The following LPCAT3 variants were observed in gnomAD, a reference collection of about 807,000 sequenced individuals.
LPCAT3 encodes lysophospholipid acyltransferase 5.
LPCAT3 carries 21 observed loss-of-function variants against 63.4 expected under a neutral mutation model. The observed-to-expected ratio is 0.33, with a 90% CI of 0.23 to 0.48. The LOEUF (loss-of-function observed/expected upper bound fraction) is 0.48, where lower values mean the gene tolerates loss of function less well. LPCAT3 is among the 20% of genes least tolerant of loss of function. The probability of loss-of-function intolerance (pLI) is 0.99; values close to 1 mark genes in which losing one functional copy is unlikely to be tolerated. For synonymous variants in LPCAT3, 242 were observed against 227.5 expected (o/e 1.06, Z -0.58); for missense variants, 451 against 590.6 (o/e 0.76, Z 2.45).
chr12:6,977,951 C>G lies in LPCAT3; in HGVS notation c.1041-206G>C. ...GGCGGAGCTGGAGACCGTGTGCGCA[C>G]GAGCCACTTGGTTCAGCAGCAGTGA... On this transcript the variant is annotated intron_variant, in intron 9 of 12. Transcript: ENST00000261407. The surrounding 1 kb of genome is among the most constrained non-coding windows in gnomAD (Gnocchi z 4.5). 2 of 603,072 alleles carry G rather than the reference C, an allele frequency of 3.3e-6. No homozygotes were observed. The highest frequency in any genetic ancestry group is 3.9e-5 in the South Asian group (2 of 50,836). 37.4% of individuals were successfully genotyped at this position (603,072 alleles called of 1,614,324 possible).
Position 6,976,403 on chromosome 12 carries a change from T to C in LPCAT3, c.*501A>G, listed in dbSNP as rs1436855913. On this transcript the variant is annotated 3_prime_UTR_variant, in exon 13 of 13. Coordinates refer to ENST00000261407, the MANE Select transcript of LPCAT3 (RefSeq NM_005768.6). ...GTGCATGGGGGAATCAGAGGGGAGA[T>C]GTGAGCCCCTCTGCTCCTCCCACAA... The C allele has an allele frequency of 6.5e-6, 1 of 153,434 alleles. No homozygotes were observed. Among genetic ancestry groups the C allele is most frequent in the South Asian group, 2.1e-4 (1 of 4,848 alleles). The allele number at this position is 153,434 out of a possible 1,614,324, so 9.5% of individuals were successfully genotyped here. A position where few individuals can be genotyped will look rare whatever the true frequency, so the allele number is the denominator to read the frequency against.
intron 1 of LPCAT3, among the ~76,000 whole-genome samples, chr12:7,013,672 G>A (rs1565607213): frequency 6.6e-6 from 1 of 152,142 alleles, no homozygotes; most frequent in Non-Finnish European, 1.5e-5. Context: ...AAAGGTTCCG[G>A]TATTCCTAGA....
At position 6,982,696 on chromosome 12, in the gene LPCAT3, T is replaced by C. The variant is rs367654948; in HGVS notation, c.346A>G (p.Thr116Ala). The C allele has an allele frequency of 1.6e-4, 251 of 1,613,060 alleles. No homozygotes were observed. Among genetic ancestry groups the C allele is most frequent in the Non-Finnish European group, 2.0e-4 (237 of 1,179,144 alleles). Residue 116 changes from threonine to alanine, a missense_variant, in exon 3 of 13, where the codon ACT becomes GCT. This residue lies in a region of LPCAT3 where 133 missense variants were observed against 152.1 expected (regional missense o/e 0.87). Coordinates refer to ENST00000261407, the MANE Select transcript of LPCAT3 (RefSeq NM_005768.6). ...TTTACCATCTGGAAGCAAAAGGTAGTGAGGACGGCAGTGATGGTGCGGCCC... is the reference window on the plus strand; with the variant it reads ...TTTACCATCTGGAAGCAAAAGGTAGCGAGGACGGCAGTGATGGTGCGGCCC... ...LMGRTITAVL[T>A]TFCFQMAYLL...
chr12:6,978,667 C>G lies in LPCAT3; in HGVS notation c.809G>C (p.Cys270Ser), dbSNP rs782432908. Residue 270 changes from cysteine (C) to serine (S), a missense_variant, in exon 8 of 13, where the codon TGC (cysteine) becomes TCC (serine). By Grantham distance (112) the Cys-to-Ser change is moderately radical (BLOSUM62 -1). Transcript: ENST00000261407. ...DYDNHPFWFR[C>S]MYMLIWGKFV... Reference sequence around the variant, plus strand: ...CTTGCCCCAGATCAGCATGTACATGCAGCGGAACCAGAAGGGGTGGTTCTT... The same window carrying G: ...CTTGCCCCAGATCAGCATGTACATGGAGCGGAACCAGAAGGGGTGGTTCTT... 3.5e-5 allele frequency: 56 copies of G among 1,614,154 alleles called. No homozygotes were observed. The highest frequency in any genetic ancestry group is 4.7e-5 in the Non-Finnish European group (56 of 1,180,012).
chr12:7,017,604 C>T lies in LPCAT3; in HGVS notation c.151+670G>A, dbSNP rs1946804430. ...GATACACCACATCCTTTGAACCACA[C>T]GTGTAATAAACGCTTGGAATAGTAT... On this transcript the variant is annotated intron_variant, in intron 1 of 12. Transcript: ENST00000261407. The surrounding 1 kb of genome is among the most constrained non-coding windows in gnomAD (Gnocchi z 4.1). Among the ~76,000 whole-genome samples the T allele has an allele frequency of 6.6e-6, 1 of 152,076 alleles. No individual in the cohort carries two copies. Among genetic ancestry groups the T allele is most frequent in the African/African-American group, 2.4e-5 (1 of 41,392 alleles).
At chr12:6,998,882 C>T (rs1591554298) in intron 1 of LPCAT3, among the ~76,000 whole-genome samples, 2 of 152,318 alleles carry the variant, frequency 1.3e-5, no homozygotes, top group East Asian at 3.9e-4. Context: ...AGATAAGAGA[C>T]TAAGGTCCAA....
intron 4 of LPCAT3, 32 bp downstream of exon 4, chr12:6,981,779 T>C (rs1349362098): frequency 2.6e-6 from 4 of 1,562,776 alleles, no homozygotes; most frequent in African/African-American, 2.7e-5. Context: ...GGGACCTACA[T>C]GTAAGGAAGG....
chr12:6,977,016 T>C lies in LPCAT3; in HGVS notation c.*12+118A>G. 1 of 708,606 alleles carries C rather than the reference T, an allele frequency of 1.4e-6. No homozygotes were observed. 43.9% of individuals were successfully genotyped at this position (708,606 alleles called of 1,614,324 possible). ...GTAGTCATTGCCCATACTGTGTTCC[T>C]TAGTAGCCAGGCTAATCCTTGGAAT... On this transcript the variant is annotated intron_variant, in intron 12 of 12. Coordinates refer to ENST00000261407, the MANE Select transcript of LPCAT3 (RefSeq NM_005768.6). The surrounding 1 kb of genome is among the most constrained non-coding windows in gnomAD (Gnocchi z 4.5).
At chr12:7,015,509 A>C (rs1946792066) in intron 1 of LPCAT3, among the ~76,000 whole-genome samples, 1 of 152,214 alleles carries the variant, frequency 6.6e-6, no homozygotes, top group Non-Finnish European at 1.5e-5. Flanking sequence ...TTACAACCAA[A>C]ATGCACTCCT....
At chr12:6,988,987 GT>G (rs782790764) in intron 1 of LPCAT3, among the ~76,000 whole-genome samples, 6 of 152,014 alleles carry the variant, frequency 3.9e-5, no homozygotes, top group African/African-American at 7.2e-5. Context: ...TTAGCTGGGC[GT>G]GGTAGTGCAT....
rs114261382 is a variant in LPCAT3, at chr12:7,003,353, G to C, written c.151+14921C>G. Among the ~76,000 whole-genome samples the C allele has an allele frequency of 1.8e-3, 264 of 150,696 alleles. 2 individuals are homozygous for C. The highest frequency in any genetic ancestry group is 6.2e-3 in the African/African-American group (253 of 40,882). ...GAATTTATTGAGTGCTTTGGGAGTA[G>C]GGTGAGTTTTTTTTTTTTTTTTAAC... On this transcript the variant is annotated intron_variant, in intron 1 of 12. Transcript: ENST00000261407.
rs1946424427 is a variant in LPCAT3 at position 6,977,758 on chromosome 12, G to A, written c.1041-13C>T. 1.2e-6 allele frequency: 2 copies of A among 1,613,892 alleles called. No individual in the cohort carries two copies. Among genetic ancestry groups the A allele is most frequent in the Non-Finnish European group, 1.7e-6 (2 of 1,179,972 alleles). On this transcript the variant is annotated splice_polypyrimidine_tract_variant and intron_variant, in intron 9 of 12. Transcript: ENST00000261407. This position sits in a 1 kb window ranked among gnomAD's most constrained non-coding sequence, Gnocchi z 4.5. ...TTTGAAGATGTAGCTGGAGAAAAGG[G>A]TGGGTGGGGCGACCCTCAAACTGAC...
rs61917872 is a variant in LPCAT3 at position 6,976,881 on chromosome 12, G to A, written c.*23C>T. ...GACGAGTAGTTTCTGCACCAGTCCCGCACAGGCCACCTGCAAGACAAGAGG... is the reference window on the plus strand; with the variant it reads ...GACGAGTAGTTTCTGCACCAGTCCCACACAGGCCACCTGCAAGACAAGAGG... On this transcript the variant is annotated 3_prime_UTR_variant, in exon 13 of 13. Coordinates refer to ENST00000261407, the MANE Select transcript of LPCAT3 (RefSeq NM_005768.6). 2.4e-5 allele frequency: 10 copies of A among 425,004 alleles called. No individual in the cohort carries two copies. The highest frequency in any genetic ancestry group is 6.9e-4 in the Middle Eastern group (1 of 1,440). The allele number at this position is 425,004 out of a possible 1,614,324, so 26.3% of individuals were successfully genotyped here.
intron 1 of LPCAT3, among the ~76,000 whole-genome samples, chr12:6,997,010 GA>G (rs57621837): frequency 0.17 from 25,895 of 149,580 alleles, 3,735 homozygotes; most frequent in African/African-American, 0.4. Context: ...TGATAAATGG[GA>G]AAAAAAAAAT....
intron 9 of LPCAT3, 79 bp downstream of exon 9, chr12:6,978,262 A>T (rs991014888): frequency 6.7e-7 from 1 of 1,482,022 alleles, no homozygotes; most frequent in Non-Finnish European, 9.1e-7. Context: ...TAGGGGTGAC[A>T]TGGTACACCC....
intron 1 of LPCAT3, among the ~76,000 whole-genome samples, chr12:6,999,043 A>T (rs1946661626): frequency 6.6e-6 from 1 of 152,220 alleles, no homozygotes; most frequent in Non-Finnish European, 1.5e-5. Context: ...GTGCTCTTTT[A>T]AAGCTACAGC....
intron 9 of LPCAT3, 123 bp downstream of exon 9, chr12:6,978,218 C>A: frequency 2.6e-6 from 3 of 1,173,456 alleles, no homozygotes; most frequent in Non-Finnish European, 3.6e-6. Flanking sequence ...TCAGTGTGAG[C>A]GACAGGGGGT....
In LPCAT3 at chr12:6,987,968, T is replaced by C. The variant is rs1946544476; in HGVS notation, c.152-4429A>G. The C allele has an allele frequency of 1.3e-5, 5 of 397,080 alleles. No individual in the cohort carries two copies. The highest frequency in any genetic ancestry group is 2.2e-5 in the Non-Finnish European group (5 of 224,564). 24.6% of individuals were successfully genotyped at this position (397,080 alleles called of 1,614,324 possible). On this transcript the variant is annotated intron_variant, in intron 1 of 12. Transcript: ENST00000261407. This position sits in a 1 kb window ranked among gnomAD's most constrained non-coding sequence, Gnocchi z 4.1. ...TGGGATCAACAGTCACCTCTTGAAC[T>C]TTTGGGGTGCTTGGCAATAGTTCCT... is the stretch of plus-strand genomic sequence containing the variant.
chr12:7,000,587 C>CAAA lies in LPCAT3; in HGVS notation c.152-17051_152-17049dup, dbSNP rs1238673937. Among the ~76,000 whole-genome samples the CAAA allele has an allele frequency of 9.5e-4, 43 of 45,418 alleles. 1 individual carries two copies. The highest frequency in any genetic ancestry group is 3.5e-3 in the South Asian group (4 of 1,138). 29.8% of individuals were successfully genotyped at this position (45,418 alleles called of 152,430 possible). A position where few individuals can be genotyped will look rare whatever the true frequency, so the allele number is the denominator to read the frequency against. On this transcript the variant is annotated intron_variant, in intron 1 of 12. Coordinates refer to ENST00000261407, the MANE Select transcript of LPCAT3 (RefSeq NM_005768.6). ...TGGGAGACAGAGTGAGACTCAGTCT[C>CAAA]AAAAAAAAAAAAAAAAAAAGCGAAA...
Sources: gnomAD v4.1 joint callset for allele counts (sites outside exome capture counted in the v4.1 genomes callset) on GRCh38, gnomAD v4.1.1 for gene constraint, gnomAD v4.1.1 regional missense constraint, Gnocchi (gnomAD v3.1) non-coding constraint, MANE v1.5 for transcripts, NCBI Gene and HGNC (gene_info 2026-07-23, HGNC 2026-07-21) for gene names.